Variants in PAPSS1 observed in about 807,000 individuals in gnomAD.
PAPSS1 encodes the protein bifunctional 3'-phosphoadenosine 5'-phosphosulfate synthase 1.
PAPSS1 carries 50 observed loss-of-function variants against 72.0 expected under a neutral mutation model. The observed-to-expected ratio is 0.69, with a 90% CI of 0.55 to 0.88. PAPSS1 has a LOEUF of 0.88. PAPSS1 is among the 40% of genes least tolerant of loss of function. PAPSS1 has a pLI of 0.00. For missense variants in PAPSS1, 657 were observed against 782.2 expected, an observed-to-expected ratio of 0.84 and a Z score of 1.91; for synonymous variants, 261 against 263.6, an observed-to-expected ratio of 0.99 and a Z score of 0.09.
chr4:107,689,166 C>A (rs1032691676), intron 3 of PAPSS1, among the ~76,000 whole-genome samples: 3 of 152,214 alleles, frequency 2.0e-5, no homozygotes, highest in Admixed American at 2.0e-4. Flanking sequence ...GCAAAGGATG[C>A]AAATCTGACC....
chr4:107,671,306 A>G (rs1219487394), intron 5 of PAPSS1, among the ~76,000 whole-genome samples: 4 of 149,068 alleles, frequency 2.7e-5, no homozygotes, highest in African/African-American at 2.5e-5. Flanking sequence ...CTCCCTGAAG[A>G]AAAAAAAAGA....
rs201998934 is a variant in PAPSS1, at chr4:107,654,744, C to A, written c.1052G>T (p.Arg351Leu). ...PEFFEHRKEE[R>L]CARQWGTTCK... Reference sequence around the variant, plus strand: ...TGTCGTTCCCCACTGTCTGGCACAGCGCTCCTCTTTCCTGTGCTCAAAAAA... The same window carrying A: ...TGTCGTTCCCCACTGTCTGGCACAGAGCTCCTCTTTCCTGTGCTCAAAAAA... The change falls in exon 8 of 12, where the codon CGC (arginine) becomes CTC (leucine). Residue 351 changes from arginine to leucine, a missense_variant. Transcript: ENST00000265174. The A allele has an allele frequency of 9.9e-6, 16 of 1,613,604 alleles. No homozygotes were observed. Among genetic ancestry groups the A allele is most frequent in the Admixed American group, 1.7e-5 (1 of 59,990 alleles).
chr4:107,655,738 C>T (rs1440226947), intron 7 of PAPSS1, among the ~76,000 whole-genome samples: 3 of 152,114 alleles, frequency 2.0e-5, no homozygotes, highest in Non-Finnish European at 2.9e-5. Context: ...AAATTACTAC[C>T]ACTAGGTAAA....
At chr4:107,696,346 G>A (rs1723063298) in intron 2 of PAPSS1, among the ~76,000 whole-genome samples, 1 of 152,100 alleles carries the variant, frequency 6.6e-6, no homozygotes, top group Non-Finnish European at 1.5e-5. Flanking sequence ...ATGATAGCCT[G>A]GATAAAGAAA....
At chr4:107,631,609 G>T in intron 11 of PAPSS1, 22 bp downstream of exon 11, 1 of 1,542,008 alleles carries the variant, frequency 6.5e-7, no homozygotes, top group South Asian at 1.1e-5. Flanking sequence ...TCAAAGATTT[G>T]TACAGAGAAT....
rs770769015 is a variant in PAPSS1, at chr4:107,687,145, A to C, written c.444T>G (p.Gly148=). 1.9e-6 allele frequency: 3 copies of C among 1,593,002 alleles called. No individual in the cohort carries two copies. The highest frequency in any genetic ancestry group is 2.6e-6 in the Non-Finnish European group (3 of 1,173,412). ...DRNNARQIHE[G]ASLPFFEVFV... ...ATACTTCAAAAAACGGTAAACTTGC[A>C]CCTTCATGAATTTGCCTTGCATTGT... is the stretch of plus-strand genomic sequence containing the variant. Residue 148 remains glycine, a synonymous_variant, in exon 4 of 12, where the codon GGT becomes GGG. Transcript: ENST00000265174.
At chr4:107,630,161 G>A (rs1419603892) in intron 11 of PAPSS1, among the ~76,000 whole-genome samples, 2 of 152,144 alleles carry the variant, frequency 1.3e-5, no homozygotes, top group Non-Finnish European at 2.9e-5. Flanking sequence ...TGGATTAAAT[G>A]ACTGGTATCA....
chr4:107,671,524 T>C (rs1288489876), intron 5 of PAPSS1, among the ~76,000 whole-genome samples: 1 of 152,122 alleles, frequency 6.6e-6, no homozygotes, highest in Non-Finnish European at 1.5e-5. Context: ...TAAAATTATA[T>C]AAAATGGTAT....
intron 5 of PAPSS1, among the ~76,000 whole-genome samples, chr4:107,671,713 G>GCA (rs1395613276): frequency 6.6e-6 from 1 of 151,974 alleles, no homozygotes; most frequent in Non-Finnish European, 1.5e-5. Context: ...ATATAAAATG[G>GCA]CATAGCATTT....
At chr4:107,680,108 A>T (rs1014400328) in intron 5 of PAPSS1, among the ~76,000 whole-genome samples, 2 of 152,166 alleles carry the variant, frequency 1.3e-5, no homozygotes, top group Non-Finnish European at 2.9e-5. Context: ...GTGTAACTAG[A>T]GTCCCAGAAG....
At chr4:107,682,978 G>C (rs952508999) in intron 4 of PAPSS1, among the ~76,000 whole-genome samples, 1 of 152,086 alleles carries the variant, frequency 6.6e-6, no homozygotes, top group Non-Finnish European at 1.5e-5. Flanking sequence ...TTTTCCTATG[G>C]TATATGTGTT....
chr4:107,646,076 C>G (rs1726685148), intron 9 of PAPSS1, among the ~76,000 whole-genome samples: 1 of 152,080 alleles, frequency 6.6e-6, no homozygotes, highest in African/African-American at 2.4e-5. Flanking sequence ...ATGAACAGAA[C>G]AGGGCTGGTT....
chr4:107,636,613 G>C (rs564508088), intron 10 of PAPSS1, among the ~76,000 whole-genome samples: 1 of 152,180 alleles, frequency 6.6e-6, no homozygotes, highest in Admixed American at 6.5e-5. Flanking sequence ...TCCGGAAACA[G>C]AATAATGGAA....
intron 4 of PAPSS1, among the ~76,000 whole-genome samples, chr4:107,686,574 T>C (rs982881562): frequency 6.6e-6 from 1 of 152,188 alleles, no homozygotes; most frequent in Admixed American, 6.5e-5. Flanking sequence ...TTCAATCTAA[T>C]TCAACAATAG....
chr4:107,672,143 C>CGAT (rs1727491371), intron 5 of PAPSS1, among the ~76,000 whole-genome samples: 1 of 151,990 alleles, frequency 6.6e-6, no homozygotes, highest in Admixed American at 6.5e-5. Flanking sequence ...GTGTGAGCGA[C>CGAT]GCAGAAGACG....
At chr4:107,683,657 T>C (rs1295327519) in intron 4 of PAPSS1, among the ~76,000 whole-genome samples, 1 of 152,136 alleles carries the variant, frequency 6.6e-6, no homozygotes, top group Non-Finnish European at 1.5e-5. Flanking sequence ...AGAAAAAACA[T>C]ATTTAAGCAG....
At chr4:107,671,846 T>G (rs929311339) in intron 5 of PAPSS1, among the ~76,000 whole-genome samples, 2 of 152,224 alleles carry the variant, frequency 1.3e-5, no homozygotes, top group African/African-American at 4.8e-5. Context: ...TGTATTCTTT[T>G]TCATTGTTGT....
At chr4:107,668,994 C>G (rs1457695376) in intron 5 of PAPSS1, among the ~76,000 whole-genome samples, 1 of 152,132 alleles carries the variant, frequency 6.6e-6, no homozygotes, top group Non-Finnish European at 1.5e-5. Flanking sequence ...GGTTATTATT[C>G]CTTGCTTTAA....
chr4:107,659,853 C>T lies in PAPSS1; in HGVS notation c.783+106G>A, dbSNP rs200480310. On this transcript the variant is annotated intron_variant, in intron 6 of 11. Transcript: ENST00000265174. ...ATATACCACAACATCTTTGCCCCCC[C>T]AGCTAATACCACCCCTGGCCTCAAA... 18 of 600,814 alleles carry T rather than the reference C, an allele frequency of 3.0e-5. No homozygotes were observed. The East Asian group carries it at 5.3e-4, about 18-fold the overall frequency. The allele number at this position is 600,814 out of a possible 1,614,324, so 37.2% of individuals were successfully genotyped here.
Sources: gnomAD v4.1 joint callset for allele counts (sites outside exome capture counted in the v4.1 genomes callset) on GRCh38, gnomAD v4.1.1 for gene constraint, MANE v1.5 for transcripts, NCBI Gene and HGNC (gene_info 2026-07-23, HGNC 2026-07-21) for gene names.